The following PCLO variants were observed in gnomAD, a reference collection of about 807,000 sequenced individuals.
PCLO encodes protein piccolo.
PCLO carries 82 observed loss-of-function variants against 427.5 expected under a neutral mutation model. The observed-to-expected ratio is 0.19, with a 90% CI of 0.16 to 0.23. The LOEUF (loss-of-function observed/expected upper bound fraction) is 0.23. Ranked by LOEUF, PCLO falls within the 10% of genes least tolerant of loss-of-function variation. The probability of loss-of-function intolerance (pLI) is 1.00; values close to 1 mark genes in which losing one functional copy is unlikely to be tolerated. For synonymous variants in PCLO, 2,357 were observed against 2,155.4 expected (o/e 1.09, Z -2.59); for missense variants, 6,239 against 6,115.9 (o/e 1.02, Z -0.67).
At chr7:83,057,043 A>T (rs1458273317) in intron 3 of PCLO, among the ~76,000 whole-genome samples, 1 of 151,758 alleles carries the variant, frequency 6.6e-6, no homozygotes, top group African/African-American at 2.4e-5. Context: ...TTGTGCTATT[A>T]AGCCATACAA....
intron 3 of PCLO, among the ~76,000 whole-genome samples, chr7:83,056,632 G>C (rs1306114802): frequency 6.6e-6 from 1 of 152,076 alleles, no homozygotes; most frequent in Non-Finnish European, 1.5e-5. Flanking sequence ...ATCCTTAAAA[G>C]ATTACTTTAA....
chr7:82,828,603 T>C (rs530592495), intron 16 of PCLO, among the ~76,000 whole-genome samples: 1 of 152,334 alleles, frequency 6.6e-6, no homozygotes, highest in East Asian at 1.9e-4. Flanking sequence ...TTGGGACATC[T>C]GCATTAATCC....
chr7:82,864,601 C>T (rs1793046927), intron 10 of PCLO, among the ~76,000 whole-genome samples: 2 of 152,042 alleles, frequency 1.3e-5, no homozygotes, highest in Non-Finnish European at 2.9e-5. Context: ...TGCATTTCTC[C>T]TCCAACTTCA....
At position 82,966,458 on chromosome 7, in the gene PCLO, T is replaced by C; in HGVS notation, c.3330A>G (p.Gln1110=). The C allele has an allele frequency of 1.3e-6, 2 of 1,585,346 alleles. No homozygotes were observed. The highest frequency in any genetic ancestry group is 1.7e-4 in the Middle Eastern group (1 of 5,874). ...EIQEWLCLNC[Q]TQRAISGQLG... Reference sequence around the variant, plus strand: ...GCTGTCCTGATATTGCTCTCTGGGTTTGGCAATTTAAACAAAGCCATTCTT... The same window carrying C: ...GCTGTCCTGATATTGCTCTCTGGGTCTGGCAATTTAAACAAAGCCATTCTT... Residue 1110 remains glutamine (Q), a synonymous_variant, in exon 4 of 25, where the codon CAA becomes CAG. Transcript: ENST00000333891.
At chr7:82,905,758 A>C (rs1303271380) in intron 8 of PCLO, among the ~76,000 whole-genome samples, 2 of 151,936 alleles carry the variant, frequency 1.3e-5, no homozygotes, top group African/African-American at 4.8e-5. Flanking sequence ...TGGCTCTTTC[A>C]TGGGAGCTTA....
In PCLO at chr7:82,836,887, C is replaced by G. The variant is rs143977346; in HGVS notation, c.14223-1194G>C. Among the ~76,000 whole-genome samples the G allele has an allele frequency of 1.7e-3, 259 of 152,170 alleles. 4 individuals carry two copies. Among genetic ancestry groups the G allele is most frequent in the African/African-American group, 5.9e-3 (247 of 41,538 alleles). ...CCAACTACAGTAAAAGAATACACTT[C>G]ATATAATTAAAATGCTTTTAAATTT... On this transcript the variant is annotated intron_variant, in intron 15 of 24. Transcript: ENST00000333891.
chr7:83,072,995 G>A (rs371126716), intron 3 of PCLO, among the ~76,000 whole-genome samples: 1 of 151,488 alleles, frequency 6.6e-6, no homozygotes, highest in Non-Finnish European at 1.5e-5. Flanking sequence ...CCTTCCCTCT[G>A]TCTGTTTTAC....
intron 3 of PCLO, among the ~76,000 whole-genome samples, chr7:83,133,584 CAT>C (rs1791629131): frequency 1.3e-5 from 2 of 152,082 alleles, no homozygotes; most frequent in African/African-American, 4.8e-5. Flanking sequence ...TATAGAAATT[CAT>C]ATATCTTTCT....
At chr7:82,914,112 T>G (rs1794387355) in intron 7 of PCLO, among the ~76,000 whole-genome samples, 1 of 151,898 alleles carries the variant, frequency 6.6e-6, no homozygotes, top group Non-Finnish European at 1.5e-5. Context: ...CAGAAATCTT[T>G]TATTTAAGGA....
At chr7:83,038,035 A>T (rs1788857696) in intron 3 of PCLO, among the ~76,000 whole-genome samples, 3 of 50,928 alleles carry the variant, frequency 5.9e-5, no homozygotes, top group Non-Finnish European at 9.4e-5. Context: ...ATATATTTAT[A>T]TATTTATATA....
At chr7:82,993,695 CA>C (rs201175055) in intron 3 of PCLO, among the ~76,000 whole-genome samples, 1 of 151,654 alleles carries the variant, frequency 6.6e-6, no homozygotes, top group African/African-American at 2.4e-5. Flanking sequence ...ATTAGGAAAA[CA>C]AAAAAATTCA....
Position 82,805,718 on chromosome 7 carries a change from C to A in PCLO, c.14903G>T (p.Gly4968Val), listed in dbSNP as rs774628508. The change falls in exon 21 of 25, where the codon GGG becomes GTG. Residue 4968 changes from glycine to valine, a missense_variant. Physicochemically the swap from Gly to Val is moderately radical, Grantham distance 109. Around this residue, in one of 5 missense-constraint regions of PCLO, gnomAD observed 877 missense variants for 925.5 expected, o/e 0.95. Transcript: ENST00000333891. ...VDSEGSSSTAGETNLFPIPRI... is the reference protein window; with the variant it reads ...VDSEGSSSTAVETNLFPIPRI... ...CGGAATAGGAAATAGATTAGTCTCC[C>A]CTGCAGTGCTGCTGCTTCCTTCACT... 1 of 1,612,766 alleles carries A rather than the reference C, an allele frequency of 6.2e-7. No individual in the cohort carries two copies. Among genetic ancestry groups the A allele is most frequent in the Non-Finnish European group, 8.5e-7 (1 of 1,179,450 alleles).
chr7:82,941,825 A>G (rs2116385544), intron 6 of PCLO, among the ~76,000 whole-genome samples: 1 of 152,332 alleles, frequency 6.6e-6, no homozygotes, highest in South Asian at 2.1e-4. Context: ...TCCAGTAAGA[A>G]TTAATTTAGC....
At chr7:82,900,854 C>A (rs548605205) in intron 9 of PCLO, among the ~76,000 whole-genome samples, 1 of 151,620 alleles carries the variant, frequency 6.6e-6, no homozygotes, top group East Asian at 2.0e-4. Flanking sequence ...AAAGAGTGGG[C>A]AAAAGGAATG....
rs1294560236 is a variant in PCLO, at chr7:82,758,642, T to C, written c.15362A>G (p.Lys5121Arg). 1 of 1,611,462 alleles carries C rather than the reference T, an allele frequency of 6.2e-7. No homozygotes were observed. The highest frequency in any genetic ancestry group is 8.5e-7 in the Non-Finnish European group (1 of 1,178,122). ...LIGEACIWLD[K>R]VDLRKRIVNW... ...GACTATTCTTTTTCTGAGATCCACT[T>C]TGTCAAGCCAGATACAGGCTTCACC... Residue 5121 changes from lysine (K) to arginine (R), a missense_variant, in exon 25 of 25, where the codon AAA (lysine) becomes AGA (arginine). Physicochemically the swap from Lys to Arg is conservative, Grantham distance 26. Coordinates refer to ENST00000333891, the MANE Select transcript of PCLO (RefSeq NM_033026.6).
At chr7:83,002,759 G>C (rs1220316321) in intron 3 of PCLO, among the ~76,000 whole-genome samples, 1 of 151,784 alleles carries the variant, frequency 6.6e-6, no homozygotes, top group East Asian at 1.9e-4. Flanking sequence ...TCCACAAAAA[G>C]CGAAAATAAC....
intron 22 of PCLO, among the ~76,000 whole-genome samples, chr7:82,783,858 T>C (rs1790928142): frequency 6.6e-6 from 1 of 151,764 alleles, no homozygotes; most frequent in African/African-American, 2.4e-5. Context: ...ACCCCTGAAG[T>C]AATCATTATT....
Position 82,955,669 on chromosome 7 carries a change from G to A in PCLO, c.5284C>T (p.Pro1762Ser). 1 of 1,613,922 alleles carries A rather than the reference G, an allele frequency of 6.2e-7. No individual in the cohort carries two copies. Among genetic ancestry groups the A allele is most frequent in the Non-Finnish European group, 8.5e-7 (1 of 1,179,880 alleles). ...ATAGTAGGCAAAAGAGGGCCATGTG[G>A]TCTGTGCCGAGCTTTGCGTTGCTGT... ...SKQQRKARHR[P>S]HGPLLPTIED... The change falls in exon 5 of 25, where the codon CCA becomes TCA. Residue 1762 changes from proline to serine, a missense_variant. Physicochemically the swap from Pro to Ser is moderately conservative, Grantham distance 74. Coordinates refer to ENST00000333891, the MANE Select transcript of PCLO (RefSeq NM_033026.6).
intron 10 of PCLO, among the ~76,000 whole-genome samples, chr7:82,861,666 C>T (rs1792959585): frequency 3.9e-5 from 6 of 151,992 alleles, no homozygotes; most frequent in Admixed American, 3.9e-4. Flanking sequence ...CAGCCAAGAG[C>T]TGCGGAATAC....
Sources: gnomAD v4.1 joint callset for allele counts (sites outside exome capture counted in the v4.1 genomes callset) on GRCh38, gnomAD v4.1.1 for gene constraint, gnomAD v4.1.1 regional missense constraint, MANE v1.5 for transcripts, NCBI Gene and HGNC (gene_info 2026-07-23, HGNC 2026-07-21) for gene names.